The following ZBTB20 variants were observed in gnomAD, a reference collection of about 807,000 sequenced individuals.
The protein encoded by ZBTB20 is zinc finger and BTB domain-containing protein 20.
In ZBTB20, 9 loss-of-function variants were observed where a neutral mutation model predicts 56.9. The ratio of observed to expected loss-of-function variants is 0.16; its 90% CI spans 0.10 to 0.28. The LOEUF is 0.28. ZBTB20 is among the 10% of genes least tolerant of loss of function. ZBTB20 has a pLI of 1.00. For missense variants in ZBTB20, 655 were observed against 1,003.0 expected, an observed-to-expected ratio of 0.65 and a Z score of 4.69; for synonymous variants, 417 against 420.7, an observed-to-expected ratio of 0.99 and a Z score of 0.11.
intron 4 of ZBTB20, among the ~76,000 whole-genome samples, chr3:114,861,009 C>T (rs1190952791): frequency 6.6e-6 from 1 of 152,166 alleles, no homozygotes; most frequent in Admixed American, 6.5e-5. Flanking sequence ...ATTGTAAAGA[C>T]TTTCAAAGCT....
intron 1 of ZBTB20, among the ~76,000 whole-genome samples, chr3:115,117,995 A>G (rs2108639807): frequency 6.6e-6 from 1 of 152,336 alleles, no homozygotes; most frequent in East Asian, 1.9e-4. Flanking sequence ...AAGCTTCCAC[A>G]TTCACTACCT....
At chr3:114,501,729 G>C (rs1395063162) in intron 6 of ZBTB20, among the ~76,000 whole-genome samples, 1 of 118,346 alleles carries the variant, frequency 8.4e-6, no homozygotes, top group Non-Finnish European at 1.7e-5. Context: ...TTTTTTTTGA[G>C]ATGAACTCTC....
At chr3:114,523,445 G>GGTTTAT (rs752677489) in intron 6 of ZBTB20, among the ~76,000 whole-genome samples, 2 of 152,124 alleles carry the variant, frequency 1.3e-5, no homozygotes, top group Non-Finnish European at 2.9e-5. Context: ...TAGGGAGTAT[G>GGTTTAT]GTTTATAAGG....
chr3:114,349,072 T>TGCCTGTA (rs1210529001), intron 11 of ZBTB20, among the ~76,000 whole-genome samples: 1 of 151,944 alleles, frequency 6.6e-6, no homozygotes, highest in Admixed American at 6.6e-5. Context: ...TGGTGGCATG[T>TGCCTGTA]GCCTGTAGAC....
intron 7 of ZBTB20, among the ~76,000 whole-genome samples, chr3:114,464,840 C>G (rs1344003261): frequency 6.6e-6 from 1 of 152,048 alleles, no homozygotes; most frequent in Non-Finnish European, 1.5e-5. Context: ...TGCTCTAGGT[C>G]CCCTAGAGCA....
At chr3:114,431,146 CAGA>C (rs2090091686) in intron 7 of ZBTB20, among the ~76,000 whole-genome samples, 1 of 152,184 alleles carries the variant, frequency 6.6e-6, no homozygotes, top group South Asian at 2.1e-4. Context: ...GGAAAAAGTA[CAGA>C]AGAAGAAGGA....
At chr3:114,589,326 C>T (rs550760654) in intron 6 of ZBTB20, among the ~76,000 whole-genome samples, 38 of 152,254 alleles carry the variant, frequency 2.5e-4, no homozygotes, top group African/African-American at 8.7e-4. Flanking sequence ...CCTGCCTTGT[C>T]CCTTTCTCCT....
intron 7 of ZBTB20, among the ~76,000 whole-genome samples, chr3:114,414,201 A>C (rs908716872): frequency 2.0e-5 from 3 of 152,162 alleles, no homozygotes; most frequent in African/African-American, 7.2e-5. Context: ...TTCTCTATCA[A>C]CTAATCTAAA....
chr3:114,704,097 C>T (rs547960395), intron 5 of ZBTB20, among the ~76,000 whole-genome samples: 5 of 152,172 alleles, frequency 3.3e-5, no homozygotes, highest in Admixed American at 2.6e-4. Flanking sequence ...AATCTTCCTG[C>T]TAATTTCTCC....
rs144019743 is a variant in ZBTB20 at position 114,339,281 on chromosome 3, G to A, written c.1950C>T (p.Asn650=). The A allele has an allele frequency of 4.9e-4, 795 of 1,614,204 alleles. No individual in the cohort carries two copies. Among genetic ancestry groups the A allele is most frequent in the African/African-American group, 2.6e-3 (196 of 75,052 alleles). The change falls in exon 12 of 12, where the codon AAC becomes AAT. Residue 650 remains asparagine, a synonymous_variant. Transcript: ENST00000675478. This position sits in a 1 kb window ranked among gnomAD's most constrained non-coding sequence, Gnocchi z 4.2. The stretch of plus-strand genomic sequence containing the variant: ...CTCCCCGGTGGAGGCGCATGTGCAC[G>A]TTGAGGGAGCTCTTCTGGGTGAAGC... The part of the protein sequence containing the change: ...NKRFTQKSSL[N]VHMRLHRGEK...
chr3:115,032,356 T>A (rs971524881), intron 2 of ZBTB20, among the ~76,000 whole-genome samples: 4 of 151,336 alleles, frequency 2.6e-5, no homozygotes, highest in African/African-American at 9.7e-5. Flanking sequence ...GAAAGAGAAG[T>A]GTGTGGCTGC....
chr3:115,142,571 G>A (rs1455974242), intron 1 of ZBTB20, among the ~76,000 whole-genome samples: 2 of 151,720 alleles, frequency 1.3e-5, no homozygotes, highest in African/African-American at 2.4e-5. Flanking sequence ...GACTGAGGCA[G>A]GAGAATTGCT....
intron 1 of ZBTB20, among the ~76,000 whole-genome samples, chr3:115,126,011 T>C (rs2084322779): frequency 6.6e-6 from 1 of 151,998 alleles, no homozygotes; most frequent in African/African-American, 2.4e-5. Context: ...AGAAAAAGAA[T>C]CATACAAATT....
chr3:114,659,659 G>A (rs1016914056), intron 6 of ZBTB20, among the ~76,000 whole-genome samples: 2 of 152,168 alleles, frequency 1.3e-5, no homozygotes. Context: ...CCTGCATGCT[G>A]TTCAGGGGAA....
intron 2 of ZBTB20, among the ~76,000 whole-genome samples, chr3:114,987,200 C>A (rs2078584031): frequency 6.6e-6 from 1 of 151,952 alleles, no homozygotes; most frequent in Admixed American, 6.6e-5. Context: ...ATAAATAAAA[C>A]CACTTGAGAA....
intron 6 of ZBTB20, among the ~76,000 whole-genome samples, chr3:114,653,965 T>C (rs981393304): frequency 6.6e-6 from 1 of 151,994 alleles, no homozygotes; most frequent in Non-Finnish European, 1.5e-5. Context: ...AATGATAATC[T>C]CTCATTACTG....
Position 114,339,113 on chromosome 3 carries a change from C to G in ZBTB20, c.2118G>C (p.Val706=), listed in dbSNP as rs749725678. The G allele has an allele frequency of 4.4e-6, 7 of 1,608,302 alleles. No individual in the cohort carries two copies. In the South Asian group the frequency reaches 5.5e-5, roughly 13 times the overall value. The change falls in exon 12 of 12, where the codon GTG becomes GTC. Residue 706 remains valine, a synonymous_variant. Coordinates refer to ENST00000675478, the MANE Select transcript of ZBTB20 (RefSeq NM_001348800.3). This position sits in a 1 kb window ranked among gnomAD's most constrained non-coding sequence, Gnocchi z 4.2. ...AAGTGGTCCCCTCCGTGCAGGCCACCACGCCTGGGGGGCCAGCGCGGGCAC... is the reference window on the plus strand; with the variant it reads ...AAGTGGTCCCCTCCGTGCAGGCCACGACGCCTGGGGGGCCAGCGCGGGCAC... ...PPGARAGPPG[V]VACTEGTTYV...
intron 2 of ZBTB20, among the ~76,000 whole-genome samples, chr3:115,069,447 G>A (rs751513760): frequency 6.6e-6 from 1 of 152,054 alleles, no homozygotes; most frequent in African/African-American, 2.4e-5. Context: ...AATATGCCAC[G>A]AACTCTCCAT....
At chr3:115,033,078 G>C (rs1245738446) in intron 2 of ZBTB20, among the ~76,000 whole-genome samples, 2 of 150,714 alleles carry the variant, frequency 1.3e-5, no homozygotes, top group Non-Finnish European at 3.0e-5. Context: ...ACCAAAAGTT[G>C]GTTCTTCAAA....
Sources: allele counts gnomAD v4.1 joint callset (sites outside exome capture counted in the v4.1 genomes callset), GRCh38; gene constraint gnomAD v4.1.1; non-coding constraint Gnocchi (gnomAD v3.1); transcripts MANE v1.5; gene names NCBI Gene and HGNC (gene_info 2026-07-23, HGNC 2026-07-21).